ABI3BP: variants seen among roughly 807,000 people sequenced by gnomAD.
The protein encoded by ABI3BP is target of Nesh-SH3.
In ABI3BP, 216 loss-of-function variants were observed where a neutral mutation model predicts 268.6. That is an observed-to-expected ratio of 0.80 (90% CI 0.72 to 0.90). ABI3BP has a LOEUF of 0.90. Ranked by LOEUF, ABI3BP falls within the 40% of genes least tolerant of loss-of-function variation. The pLI is 0.00. For synonymous variants in ABI3BP, 730 were observed against 730.0 expected (o/e 1.00, Z 0.00); for missense variants, 2,090 against 2,182.4 (o/e 0.96, Z 0.84).
intron 50 of ABI3BP, 88 bp downstream of exon 50, chr3:100,808,073 C>T: frequency 8.8e-7 from 1 of 1,134,720 alleles, no homozygotes; most frequent in Non-Finnish European, 1.3e-6. Context: ...AAGACTCAAT[C>T]TGCTATCATA....
At chr3:100,900,706 G>A (rs1273737687) in intron 3 of ABI3BP, among the ~76,000 whole-genome samples, 1 of 152,114 alleles carries the variant, frequency 6.6e-6, no homozygotes, top group East Asian at 1.9e-4. Flanking sequence ...AATATAGAAT[G>A]AATGGAAGCT....
chr3:100,906,535 A>G (rs1169545952), intron 2 of ABI3BP, among the ~76,000 whole-genome samples: 1 of 152,228 alleles, frequency 6.6e-6, no homozygotes, highest in African/African-American at 2.4e-5. Flanking sequence ...TATACATTGT[A>G]GACTGAAATT....
intron 32 of ABI3BP, 33 bp from the exon 33 acceptor site, chr3:100,829,697 T>A (rs1223915690): frequency 1.3e-6 from 2 of 1,484,992 alleles, no homozygotes. Context: ...TAATACAGCG[T>A]GTTTGGTTCC....
At chr3:100,773,638 T>G (rs974126909) in intron 61 of ABI3BP, among the ~76,000 whole-genome samples, 2 of 152,204 alleles carry the variant, frequency 1.3e-5, no homozygotes, top group African/African-American at 4.8e-5. Context: ...TACAAAGACA[T>G]GTACATGAAT....
At chr3:100,764,855 A>C (rs1015853289) in intron 63 of ABI3BP, among the ~76,000 whole-genome samples, 1 of 152,236 alleles carries the variant, frequency 6.6e-6, no homozygotes, top group Non-Finnish European at 1.5e-5. Context: ...GTCTTTTAAG[A>C]AAATTAGCAG....
rs184006759 is a variant in ABI3BP at position 100,958,321 on chromosome 3, A to C, written c.80-31840T>G. ...GAGATAAAGTGAGTGTGGAGAGACA[A>C]AGCAACAGTTTGAACAAGTATTTCC... On this transcript the variant is annotated intron_variant, in intron 1 of 67. Coordinates refer to ENST00000471714, the MANE Select transcript of ABI3BP (RefSeq NM_001375547.2). Among the ~76,000 whole-genome samples the C allele has an allele frequency of 2.0e-5, 3 of 152,328 alleles. No homozygotes were observed. In the East Asian group the frequency reaches 5.8e-4, roughly 29 times the overall value.
chr3:100,954,411 G>A (rs1393634623), intron 1 of ABI3BP, among the ~76,000 whole-genome samples: 2 of 152,116 alleles, frequency 1.3e-5, no homozygotes, highest in South Asian at 2.1e-4. Flanking sequence ...TATCAGTCAC[G>A]AAATCCCTTC....
At chr3:100,912,091 A>C in intron 2 of ABI3BP, 1 of 653,528 alleles carries the variant, frequency 1.5e-6, no homozygotes, top group Non-Finnish European at 2.8e-6. Context: ...CTTAAGAAGA[A>C]CACCTTCCGT....
rs756938072 is a variant in ABI3BP, at chr3:100,885,600, AG to A, written c.644-13del. On this transcript the variant is annotated splice_polypyrimidine_tract_variant and intron_variant, in intron 5 of 67. Coordinates refer to ENST00000471714, the MANE Select transcript of ABI3BP (RefSeq NM_001375547.2). ...ATTTACTTTTTTACCTGATGAAACA[AG>A]GGAAAAATAACATTATTTTTATTCT... is the stretch of plus-strand genomic sequence containing the variant. The A allele has an allele frequency of 1.1e-4, 159 of 1,513,682 alleles. No individual in the cohort carries two copies. Among genetic ancestry groups the A allele is most frequent in the Non-Finnish European group, 1.3e-4 (147 of 1,112,652 alleles). 93.8% of individuals were successfully genotyped at this position (1,513,682 alleles called of 1,614,324 possible).
chr3:100,982,026 C>T (rs2089744993), intron 1 of ABI3BP, among the ~76,000 whole-genome samples: 2 of 152,124 alleles, frequency 1.3e-5, no homozygotes, highest in South Asian at 4.1e-4. Flanking sequence ...CTGGGGAGGC[C>T]TCAGGAAACT....
At chr3:100,827,547 C>G (rs533545860) in intron 34 of ABI3BP, among the ~76,000 whole-genome samples, 3 of 152,114 alleles carry the variant, frequency 2.0e-5, no homozygotes, top group Non-Finnish European at 2.9e-5. Context: ...TATTTTAAAT[C>G]TTATGCTTCT....
intron 33 of ABI3BP, among the ~76,000 whole-genome samples, chr3:100,828,901 C>T (rs2098436576): frequency 6.6e-6 from 1 of 152,084 alleles, no homozygotes; most frequent in Admixed American, 6.6e-5. Context: ...CACAGGGATG[C>T]AGATGATTCC....
At chr3:100,930,426 T>C (rs1388011904) in intron 1 of ABI3BP, among the ~76,000 whole-genome samples, 2 of 151,992 alleles carry the variant, frequency 1.3e-5, no homozygotes, top group Non-Finnish European at 2.9e-5. Context: ...TAATCCTTTG[T>C]TTGCAACACC....
At chr3:100,981,457 G>C (rs1301491951) in intron 1 of ABI3BP, among the ~76,000 whole-genome samples, 1 of 152,078 alleles carries the variant, frequency 6.6e-6, no homozygotes, top group African/African-American at 2.4e-5. Context: ...GTTTAGGAAA[G>C]AGAATGATTG....
chr3:100,946,961 A>C (rs1328825811), intron 1 of ABI3BP, among the ~76,000 whole-genome samples: 1 of 152,206 alleles, frequency 6.6e-6, no homozygotes, highest in African/African-American at 2.4e-5. Flanking sequence ...CTTTATTTGT[A>C]CTTAAAATTA....
chr3:100,840,646 T>C (rs1437752988), intron 22 of ABI3BP, among the ~76,000 whole-genome samples, 174 bp downstream of exon 22: 1 of 152,138 alleles, frequency 6.6e-6, no homozygotes, highest in African/African-American at 2.4e-5. Context: ...AAAAATGAGA[T>C]ACAGTTTATA....
At chr3:100,825,719 T>C in intron 35 of ABI3BP, 66 bp downstream of exon 35, 1 of 1,259,690 alleles carries the variant, frequency 7.9e-7, no homozygotes, top group Non-Finnish European at 1.1e-6. Flanking sequence ...GGATGAAGAC[T>C]GAATGGACTG....
At chr3:100,755,922 A>G (rs1438937595) in intron 63 of ABI3BP, among the ~76,000 whole-genome samples, 1 of 152,268 alleles carries the variant, frequency 6.6e-6, no homozygotes, top group African/African-American at 2.4e-5. Context: ...TTTTATAAAC[A>G]AGTGAAAAAT....
At chr3:100,871,696 T>C (rs7614951) in intron 9 of ABI3BP, among the ~76,000 whole-genome samples, 44,362 of 152,154 alleles carry the variant, frequency 0.29, 6,713 homozygotes, top group Middle Eastern at 0.38. Context: ...TCCCCAGCCA[T>C]GTGGAACTAT....
Sources: allele counts gnomAD v4.1 joint callset (sites outside exome capture counted in the v4.1 genomes callset), GRCh38; gene constraint gnomAD v4.1.1; transcripts MANE v1.5; gene names NCBI Gene and HGNC (gene_info 2026-07-23, HGNC 2026-07-21).